CHODL: variants seen among roughly 807,000 people sequenced by gnomAD.
The protein encoded by CHODL is chondrolectin.
Under a neutral mutation model 34.5 loss-of-function variants are expected in CHODL, and 29 were observed. The ratio of observed to expected loss-of-function variants is 0.84; its 90% CI spans 0.63 to 1.15. The LOEUF is 1.15. Ranked by LOEUF, CHODL falls within the 50% of genes most tolerant of loss-of-function variation. CHODL has a pLI of 0.00. For missense variants in CHODL, 332 were observed against 332.5 expected, an observed-to-expected ratio of 1.00 and a Z score of 0.01; for synonymous variants, 125 against 116.1, an observed-to-expected ratio of 1.08 and a Z score of -0.49.
chr21:18,260,280 G>A lies in CHODL; in HGVS notation c.628G>A (p.Glu210Lys). Residue 210 changes from glutamate to lysine, a missense_variant, in exon 4 of 6, where the codon GAA becomes AAA. Physicochemically the swap from Glu to Lys is moderately conservative, Grantham distance 56. Coordinates refer to ENST00000299295, the MANE Select transcript of CHODL (RefSeq NM_024944.3). ...GDTHQNVVVT[E>K]AGIIPNLIYV... The stretch of plus-strand genomic sequence containing the variant: ...CACCCATCAGAATGTGGTTGTTACT[G>A]AAGCAGGTAATTACTTCATGTGTCT... The A allele has an allele frequency of 6.3e-7, 1 of 1,579,874 alleles. No individual in the cohort carries two copies. Among genetic ancestry groups the A allele is most frequent in the Non-Finnish European group, 8.6e-7 (1 of 1,163,014 alleles).
intron 1 of CHODL, among the ~76,000 whole-genome samples, chr21:17,927,408 G>A (rs2824558): frequency 0.055 from 8,301 of 152,082 alleles, 585 homozygotes; most frequent in African/African-American, 0.17. Flanking sequence ...CTTGCTACGT[G>A]CTGTTCTTAT....
At position 18,200,057 on chromosome 21, in the gene CHODL, T is replaced by C. The variant is rs553171539; in HGVS notation, c.-44-56452T>C. Among the ~76,000 whole-genome samples, 20 of 152,308 alleles carry C rather than the reference T, an allele frequency of 1.3e-4. No individual in the cohort carries two copies. In the South Asian group the frequency reaches 3.7e-3, roughly 28 times the overall value. ...ACTCTTGAAAAGTGGCTGTACCATT[T>C]TTCATCCCCATCAGCAATGAATGAT... On this transcript the variant is annotated intron_variant, in intron 2 of 6. Transcript: ENST00000400127.
At chr21:17,994,543 G>T (rs1257497100) in intron 1 of CHODL, among the ~76,000 whole-genome samples, 2 of 152,116 alleles carry the variant, frequency 1.3e-5, no homozygotes, top group Non-Finnish European at 2.9e-5. Flanking sequence ...CCACAGGCCT[G>T]TGGATGGCCC....
intron 1 of CHODL, among the ~76,000 whole-genome samples, chr21:17,931,912 A>G (rs1171176027): frequency 6.6e-6 from 1 of 152,238 alleles, no homozygotes; most frequent in African/African-American, 2.4e-5. Context: ...TTTATGACTA[A>G]GAACTCAAAA....
chr21:18,150,929 C>A (rs957292560), intron 2 of CHODL, among the ~76,000 whole-genome samples: 1 of 151,598 alleles, frequency 6.6e-6, no homozygotes, highest in African/African-American at 2.4e-5. Flanking sequence ...ACCAAAAATT[C>A]AAAAATTAGC....
intron 2 of CHODL, among the ~76,000 whole-genome samples, chr21:18,176,821 G>T (rs768533691): frequency 3.9e-5 from 6 of 152,064 alleles, no homozygotes; most frequent in Non-Finnish European, 8.8e-5. Context: ...ATAGGATGAA[G>T]GAGGGGTAGG....
At chr21:18,128,795 T>G (rs530526554) in intron 2 of CHODL, among the ~76,000 whole-genome samples, 1 of 152,318 alleles carries the variant, frequency 6.6e-6, no homozygotes, top group South Asian at 2.1e-4. Context: ...GTGTGTCTAC[T>G]TACATGCATA....
chr21:17,995,613 G>T (rs1467859789), intron 1 of CHODL, among the ~76,000 whole-genome samples: 1 of 152,158 alleles, frequency 6.6e-6, no homozygotes, highest in Non-Finnish European at 1.5e-5. Flanking sequence ...CTTGAAGCTG[G>T]TCTCCATATT....
intron 1 of CHODL, among the ~76,000 whole-genome samples, chr21:18,026,398 A>G (rs1167042983): frequency 1.3e-5 from 2 of 151,714 alleles, no homozygotes; most frequent in Non-Finnish European, 2.9e-5. Context: ...GAAGAATAAA[A>G]AGCACATCAA....
At chr21:18,104,078 A>G (rs536394280) in intron 2 of CHODL, among the ~76,000 whole-genome samples, 1 of 152,286 alleles carries the variant, frequency 6.6e-6, no homozygotes, top group South Asian at 2.1e-4. Context: ...GTATAAGGAA[A>G]TCATATTTCC....
chr21:18,000,696 T>A (rs2063896985), intron 1 of CHODL, among the ~76,000 whole-genome samples: 1 of 152,174 alleles, frequency 6.6e-6, no homozygotes, highest in African/African-American at 2.4e-5. Context: ...CAAAAAGTGT[T>A]TCTCCTTGTT....
Position 18,266,174 on chromosome 21 carries a change from T to C in CHODL, c.*136T>C. The stretch of plus-strand genomic sequence containing the variant: ...TGTAAGCTCCCCCTTGAGGCAAATA[T>C]TAAAGTAATTTTTATATGTCTATTA... On this transcript the variant is annotated 3_prime_UTR_variant, in exon 6 of 6. Coordinates refer to ENST00000299295, the MANE Select transcript of CHODL (RefSeq NM_024944.3). 1 of 1,552,332 alleles carries C rather than the reference T, an allele frequency of 6.4e-7. No homozygotes were observed. Among genetic ancestry groups the C allele is most frequent in the Non-Finnish European group, 8.7e-7 (1 of 1,146,964 alleles).
intron 2 of CHODL, among the ~76,000 whole-genome samples, chr21:18,103,098 A>G (rs1047897824): frequency 6.6e-6 from 1 of 152,178 alleles, no homozygotes; most frequent in African/African-American, 2.4e-5. Flanking sequence ...CAGGGAACCT[A>G]AAGTTGAGAT....
chr21:18,219,995 A>C (rs905513870), intron 2 of CHODL, among the ~76,000 whole-genome samples: 1 of 152,048 alleles, frequency 6.6e-6, no homozygotes, highest in African/African-American at 2.4e-5. Flanking sequence ...TTAGCCCCCA[A>C]AATATTTGTC....
intron 2 of CHODL, among the ~76,000 whole-genome samples, chr21:18,186,445 T>C (rs1213644604): frequency 1.3e-5 from 2 of 152,080 alleles, no homozygotes; most frequent in African/African-American, 4.8e-5. Flanking sequence ...CTGCAGGGCT[T>C]TCTTTAGCAG....
At chr21:17,987,048 CAGAAA>C (rs997823774) in intron 1 of CHODL, among the ~76,000 whole-genome samples, 1 of 152,050 alleles carries the variant, frequency 6.6e-6, no homozygotes, top group African/African-American at 2.4e-5. Flanking sequence ...TAGGAGAGCT[CAGAAA>C]AGAAAAGTTA....
intron 1 of CHODL, among the ~76,000 whole-genome samples, chr21:18,021,857 A>C (rs2064130763): frequency 6.6e-6 from 1 of 152,200 alleles, no homozygotes; most frequent in Non-Finnish European, 1.5e-5. Flanking sequence ...GTGTTCCTAA[A>C]ACATCACTGC....
intron 2 of CHODL, among the ~76,000 whole-genome samples, chr21:18,113,026 G>T (rs2065370117): frequency 6.6e-6 from 1 of 151,860 alleles, no homozygotes; most frequent in Admixed American, 6.6e-5. Context: ...CTCTGACAGG[G>T]TATAAATAAC....
chr21:18,067,532 A>T (rs750736330), intron 2 of CHODL, among the ~76,000 whole-genome samples: 1 of 152,210 alleles, frequency 6.6e-6, no homozygotes, highest in Non-Finnish European at 1.5e-5. Flanking sequence ...TCTTCCTCGC[A>T]GCCCTTTGAA....
Sources: allele counts gnomAD v4.1 joint callset (sites outside exome capture counted in the v4.1 genomes callset), GRCh38; gene constraint gnomAD v4.1.1; transcripts MANE v1.5; gene names NCBI Gene and HGNC (gene_info 2026-07-23, HGNC 2026-07-21).